SREK1IP1: variants seen among roughly 807,000 people sequenced by gnomAD.
SREK1IP1 encodes the protein protein SREK1IP1.
In SREK1IP1, 12 loss-of-function variants were observed where a neutral mutation model predicts 22.8. That is an observed-to-expected ratio of 0.53 (90% CI 0.34 to 0.85). SREK1IP1 has a LOEUF of 0.85. SREK1IP1 is among the 40% of genes least tolerant of loss of function. SREK1IP1 has a pLI of 0.02. For synonymous variants in SREK1IP1, 53 were observed against 52.7 expected (o/e 1.01, Z -0.02); for missense variants, 147 against 171.8 (o/e 0.86, Z 0.81).
intron 4 of SREK1IP1, chr5:64,727,553 A>ATATATATATATTTTTTTTTTTTT: frequency 3.9e-4 from 33 of 84,652 alleles, no homozygotes; most frequent in African/African-American, 1.5e-3. Context: ...ATATATATAT[A>ATATATATATATTTTTTTTTTTTT]TTTTTTTTTT....
intron 4 of SREK1IP1, 81 bp from the exon 5 acceptor site, chr5:64,724,654 ATTC>A (rs1407688967): frequency 9.6e-6 from 11 of 1,151,786 alleles, no homozygotes; most frequent in Admixed American, 5.3e-5. Context: ...ACTGCCTTAA[ATTC>A]TTCTTGGAGT....
Position 64,721,469 on chromosome 5 carries a change from T to C in SREK1IP1, c.*2915A>G, listed in dbSNP as rs1580533130. 9.2e-6 allele frequency: 1 copy of C among 108,308 alleles called. No homozygotes were observed. The highest frequency in any genetic ancestry group is 9.2e-5 in the Admixed American group (1 of 10,906). The allele number at this position is 108,308 out of a possible 1,614,324, so 6.7% of individuals were successfully genotyped here. On this transcript the variant is annotated 3_prime_UTR_variant, in exon 5 of 5. Transcript: ENST00000513458. The stretch of plus-strand genomic sequence containing the variant: ...ACACATATAGTTGTTTTACTTCTCA[T>C]TTATTGTTGTTTTGACCTCAGAGAG...
At position 64,724,439 on chromosome 5, in the gene SREK1IP1, CTCT is replaced by C. The variant is rs746225293; in HGVS notation, c.410_412del (p.Lys137del). ...TGTAGAAGAATGCTTTTCCTTTTTT[CTCT>C]TCTTTTTTTCCTTTTTGTGATGTTT... On this transcript the variant is annotated inframe_deletion, in exon 5 of 5. Transcript: ENST00000513458. 110 of 1,584,270 alleles carry C rather than the reference CTCT, an allele frequency of 6.9e-5. No individual in the cohort carries two copies. In the Middle Eastern group the frequency reaches 1.4e-3, roughly 20 times the overall value.
At chr5:64,756,637 T>C (rs1218131097) in intron 1 of SREK1IP1, among the ~76,000 whole-genome samples, 1 of 152,136 alleles carries the variant, frequency 6.6e-6, no homozygotes, top group Non-Finnish European at 1.5e-5. Flanking sequence ...CTTTTCCTTT[T>C]TTTTTTAAGA....
intron 2 of SREK1IP1, 86 bp downstream of exon 2, chr5:64,754,229 A>G (rs1008232024): frequency 3.0e-5 from 40 of 1,323,342 alleles, no homozygotes; most frequent in Non-Finnish European, 1.2e-5. Flanking sequence ...TGGGCCCCTG[A>G]AATCAGGGTG....
chr5:64,734,388 T>A lies in SREK1IP1; in HGVS notation c.206-6209A>T, dbSNP rs777266052. Among the ~76,000 whole-genome samples, 65 of 152,052 alleles carry A rather than the reference T, an allele frequency of 4.3e-4. 1 individual carries two copies. The highest frequency in any genetic ancestry group is 7.8e-4 in the Non-Finnish European group (53 of 67,946). ...AGGTTCTTTACATTTCCACAAGTACTTTAGAATTGGCTTGTCAATTTTTTT... is the reference window on the plus strand; with the variant it reads ...AGGTTCTTTACATTTCCACAAGTACATTAGAATTGGCTTGTCAATTTTTTT... On this transcript the variant is annotated intron_variant, in intron 3 of 4. Transcript: ENST00000513458.
chr5:64,733,745 GATAA>G (rs1039023395), intron 3 of SREK1IP1, among the ~76,000 whole-genome samples: 4 of 151,876 alleles, frequency 2.6e-5, no homozygotes, highest in Non-Finnish European at 4.4e-5. Context: ...CAATCCAGTG[GATAA>G]ATACTTAATA....
chr5:64,756,905 T>C (rs141618859), intron 1 of SREK1IP1, among the ~76,000 whole-genome samples: 290 of 152,262 alleles, frequency 1.9e-3, no homozygotes, highest in African/African-American at 6.5e-3. Flanking sequence ...GGATTACAGG[T>C]ATTATTCCAT....
chr5:64,725,311 T>C (rs183049227), intron 4 of SREK1IP1, among the ~76,000 whole-genome samples: 1 of 152,298 alleles, frequency 6.6e-6, no homozygotes, highest in Admixed American at 6.5e-5. Context: ...CAGAAAACCC[T>C]ATCTTTTAAG....
chr5:64,761,887 T>C (rs190079968), intron 1 of SREK1IP1, among the ~76,000 whole-genome samples: 1 of 151,914 alleles, frequency 6.6e-6, no homozygotes, highest in African/African-American at 2.4e-5. Context: ...AGAAAAAAAA[T>C]TTTAAAGTTA....
chr5:64,733,861 C>A (rs1742416231), intron 3 of SREK1IP1, among the ~76,000 whole-genome samples: 8 of 151,948 alleles, frequency 5.3e-5, no homozygotes. Context: ...GAAAAAAGCT[C>A]ATCAGAAGGG....
chr5:64,729,043 T>A (rs781258025), intron 3 of SREK1IP1, among the ~76,000 whole-genome samples: 2 of 152,068 alleles, frequency 1.3e-5, no homozygotes, highest in Non-Finnish European at 2.9e-5. Flanking sequence ...ATACAAAAAA[T>A]TAGCCAGGCG....
At chr5:64,750,104 T>C (rs1022861648) in intron 2 of SREK1IP1, among the ~76,000 whole-genome samples, 7 of 152,158 alleles carry the variant, frequency 4.6e-5, no homozygotes, top group Non-Finnish European at 7.4e-5. Flanking sequence ...CGAGATTGAA[T>C]GGACAGCCTA....
chr5:64,764,350 G>T (rs551583403), intron 1 of SREK1IP1, among the ~76,000 whole-genome samples: 1 of 152,284 alleles, frequency 6.6e-6, no homozygotes, highest in African/African-American at 2.4e-5. Context: ...TGAAGAAGTG[G>T]CAGGGAAGAG....
chr5:64,736,279 T>G (rs1742460878), intron 3 of SREK1IP1, among the ~76,000 whole-genome samples: 1 of 152,138 alleles, frequency 6.6e-6, no homozygotes, highest in Non-Finnish European at 1.5e-5. Context: ...GTCAAGTTGG[T>G]TGATAGTGTT....
intron 2 of SREK1IP1, among the ~76,000 whole-genome samples, chr5:64,746,801 A>T (rs1237588777): frequency 6.6e-6 from 1 of 152,152 alleles, no homozygotes; most frequent in South Asian, 2.1e-4. Context: ...GGGTTAGCAC[A>T]AGTTAAGGGC....
rs1210793605 is a variant in SREK1IP1 at position 64,722,743 on chromosome 5, T to C, written c.*1641A>G. On this transcript the variant is annotated 3_prime_UTR_variant, in exon 5 of 5. Coordinates refer to ENST00000513458, the MANE Select transcript of SREK1IP1 (RefSeq NM_173829.4). ...AGGCCCAAATGACTAAATTAGGTTA[T>C]GGAAGGGTTGAAAGCGTGAGAGCTC... 6.6e-6 allele frequency: 1 copy of C among 152,112 alleles called. No homozygotes were observed. Among genetic ancestry groups the C allele is most frequent in the Non-Finnish European group, 1.5e-5 (1 of 68,018 alleles). 9.4% of individuals were successfully genotyped at this position (152,112 alleles called of 1,614,324 possible). A position where few individuals can be genotyped will look rare whatever the true frequency, so the allele number is the denominator to read the frequency against.
At chr5:64,764,464 A>C (rs1026082344) in intron 1 of SREK1IP1, among the ~76,000 whole-genome samples, 2 of 152,210 alleles carry the variant, frequency 1.3e-5, no homozygotes, top group African/African-American at 4.8e-5. Context: ...GGTTCACAGA[A>C]TAATTGGCCA....
chr5:64,766,498 C>T (rs921150805), intron 1 of SREK1IP1, among the ~76,000 whole-genome samples: 1 of 152,244 alleles, frequency 6.6e-6, no homozygotes, highest in Non-Finnish European at 1.5e-5. Context: ...ATCATTATAA[C>T]TCACCAGAAT....
Sources: gnomAD v4.1 joint callset for allele counts (sites outside exome capture counted in the v4.1 genomes callset) on GRCh38, gnomAD v4.1.1 for gene constraint, MANE v1.5 for transcripts, NCBI Gene and HGNC (gene_info 2026-07-23, HGNC 2026-07-21) for gene names.